The following CENPM variants were observed in gnomAD, a reference collection of about 807,000 sequenced individuals.
The protein encoded by CENPM is interphase centromere complex protein 39.
CENPM carries 14 observed loss-of-function variants against 19.6 expected under a neutral mutation model. The ratio of observed to expected loss-of-function variants is 0.71; its 90% CI spans 0.47 to 1.11. The LOEUF (loss-of-function observed/expected upper bound fraction) is 1.11, where lower values mean the gene tolerates loss of function less well. Ranked by LOEUF, CENPM falls within the 50% of genes most tolerant of loss-of-function variation. CENPM has a pLI of 0.00. For synonymous variants in CENPM, 114 were observed against 101.5 expected (o/e 1.12, Z -0.74); for missense variants, 239 against 228.4 (o/e 1.05, Z -0.30).
At chr22:41,940,385 G>T (rs73165148) in intron 5 of CENPM, among the ~76,000 whole-genome samples, 8 of 152,204 alleles carry the variant, frequency 5.3e-5, no homozygotes, top group Non-Finnish European at 1.0e-4. Flanking sequence ...CAAAGCTGGG[G>T]CTTTTTTTGT....
rs1287137817 is a variant in CENPM, at chr22:41,947,144, C to T, written c.-68G>A. ...TCTTTCAAACCGCCCTGAGTCCAGC[C>T]CCTAGAGCGCGGCCTGGGGGCACGT... On this transcript the variant is annotated 5_prime_UTR_variant, in exon 1 of 6. Coordinates refer to ENST00000215980, the MANE Select transcript of CENPM (RefSeq NM_024053.5). The T allele has an allele frequency of 2.0e-6, 3 of 1,520,054 alleles. No homozygotes were observed. Among genetic ancestry groups the T allele is most frequent in the Non-Finnish European group, 2.7e-6 (3 of 1,104,806 alleles). 94.2% of individuals were successfully genotyped at this position (1,520,054 alleles called of 1,614,324 possible). A position where few individuals can be genotyped will look rare whatever the true frequency, so the allele number is the denominator to read the frequency against.
At chr22:41,935,502 G>A (rs1246448080), downstream of CENPM, among the ~76,000 whole-genome samples, 2 of 152,162 alleles carry the variant, frequency 1.3e-5, no homozygotes, top group African/African-American at 4.8e-5. Context: ...GGGAAGGCTG[G>A]CCTTCCGGGC....
chr22:41,935,899 GTC>G (rs1209039533), downstream of CENPM, among the ~76,000 whole-genome samples: 1 of 149,176 alleles, frequency 6.7e-6, no homozygotes, highest in Non-Finnish European at 1.5e-5. Flanking sequence ...TTGAGATGGA[GTC>G]TCTCTGTCAC....
chr22:41,929,935 C>CTTTTTTT, the CENPM span, among the ~76,000 whole-genome samples: 1 of 97,656 alleles, frequency 1.0e-5, no homozygotes. Flanking sequence ...TTCCCCGTGG[C>CTTTTTTT]TTTTTTTTTT....
chr22:41,939,106 G>C lies in CENPM; in HGVS notation c.493C>G (p.Leu165Val), dbSNP rs763157368. ...TCAGAGCTTCTCAGCAGGGACAGCA[G>C]GTTCAGAGCTGAGACACCGGGCACG... Reference protein sequence around the residue: ...GHVPGVSALNLLSLLRSSEGP... With the variant: ...GHVPGVSALNVLSLLRSSEGP... Residue 165 changes from leucine (L) to valine (V), a missense_variant, in exon 6 of 6, where the codon CTG becomes GTG. By Grantham distance (32) the Leu-to-Val change is conservative. Transcript: ENST00000215980. 5.0e-6 allele frequency: 8 copies of C among 1,613,096 alleles called. No individual in the cohort carries two copies. In the South Asian group the frequency reaches 6.6e-5, roughly 13 times the overall value.
At chr22:41,944,196 C>A in intron 4 of CENPM, 6 of 955,644 alleles carry the variant, frequency 6.3e-6, no homozygotes, top group Non-Finnish European at 7.5e-6. Context: ...GTAATCCCAG[C>A]ACTATCTGAG....
intron 3 of CENPM, among the ~76,000 whole-genome samples, chr22:41,945,649 C>G (rs977818490): frequency 1.3e-5 from 2 of 151,924 alleles, no homozygotes; most frequent in Non-Finnish European, 2.9e-5. Flanking sequence ...GGGGTTTCAC[C>G]ATGTTGCCCA....
intron 5 of CENPM, among the ~76,000 whole-genome samples, chr22:41,942,191 A>G (rs2077746891): frequency 1.3e-5 from 2 of 152,364 alleles, no homozygotes; most frequent in South Asian, 4.1e-4. Context: ...AAAGGAATGG[A>G]GCAGGCCTGG....
intron 5 of CENPM, among the ~76,000 whole-genome samples, chr22:41,939,848 G>GAA (rs375532561): frequency 0.097 from 240 of 2,484 alleles, 40 homozygotes; most frequent in African/African-American, 0.21. Flanking sequence ...GAAAAAGAAA[G>GAA]AAAGAAAGAA....
At chr22:41,943,820 AG>A in intron 4 of CENPM, 119 bp from the exon 5 acceptor site, 1 of 811,056 alleles carries the variant, frequency 1.2e-6, no homozygotes, top group Non-Finnish European at 1.9e-6. Flanking sequence ...TCTAGTCGCG[AG>A]GGTGACAGTC....
At position 41,947,059 on chromosome 22, in the gene CENPM, G is replaced by A. The variant is rs373000902; in HGVS notation, c.18C>T (p.Pro6=). MSVLR[P]LDKLPGLNTA... is the part of the protein sequence containing the mutation. ...TGTTCAGGCCGGGCAGCTTGTCCAGGGGCCTCAACACCGACATCACAGCCG... is the reference window on the plus strand; with the variant it reads ...TGTTCAGGCCGGGCAGCTTGTCCAGAGGCCTCAACACCGACATCACAGCCG... Residue 6 remains proline (P), a synonymous_variant, in exon 1 of 6, where the codon CCC becomes CCT. Transcript: ENST00000215980. The A allele has an allele frequency of 4.8e-5, 77 of 1,612,834 alleles. No individual in the cohort carries two copies. Among genetic ancestry groups the A allele is most frequent in the Non-Finnish European group, 6.4e-5 (75 of 1,179,952 alleles).
downstream of CENPM, among the ~76,000 whole-genome samples, chr22:41,933,883 C>T (rs555563676): frequency 2.2e-4 from 33 of 152,330 alleles, no homozygotes; most frequent in Middle Eastern, 3.4e-3. Flanking sequence ...AAGAACCCCA[C>T]GGCTCTCCTC....
chr22:41,935,278 A>G (rs999054637), downstream of CENPM, among the ~76,000 whole-genome samples: 1 of 152,014 alleles, frequency 6.6e-6, no homozygotes, highest in African/African-American at 2.4e-5. Context: ...CCATGCGGGC[A>G]TGGGGGGGAG....
chr22:41,937,236 C>A (rs548647420), downstream of CENPM, among the ~76,000 whole-genome samples: 1 of 152,346 alleles, frequency 6.6e-6, no homozygotes, highest in African/African-American at 2.4e-5. Context: ...GCTTTTCTCA[C>A]TTCTTGCAAA....
chr22:41,927,836 T>G, the CENPM span, among the ~76,000 whole-genome samples: 1 of 152,160 alleles, frequency 6.6e-6, no homozygotes, highest in Non-Finnish European at 1.5e-5. Flanking sequence ...AAGTAGCATG[T>G]GGGTCTGCCC....
intron 5 of CENPM, among the ~76,000 whole-genome samples, chr22:41,941,549 G>C (rs1025365965): frequency 1.3e-5 from 2 of 152,246 alleles, no homozygotes; most frequent in African/African-American, 4.8e-5. Context: ...AGCAAAGATC[G>C]TGACTCCCCT....
At chr22:41,942,285 A>G (rs1422282722) in intron 5 of CENPM, among the ~76,000 whole-genome samples, 1 of 152,166 alleles carries the variant, frequency 6.6e-6, no homozygotes, top group Non-Finnish European at 1.5e-5. Flanking sequence ...AGGCCTCTTT[A>G]GCAAAAAGTC....
downstream of CENPM, among the ~76,000 whole-genome samples, chr22:41,933,800 G>A (rs117907197): frequency 4.6e-3 from 707 of 152,330 alleles, 19 homozygotes; most frequent in East Asian, 0.062. Context: ...TTGTGCTCGA[G>A]CCCTGCCAGC....
the CENPM span, among the ~76,000 whole-genome samples, chr22:41,933,276 G>A: frequency 6.6e-6 from 1 of 151,486 alleles, no homozygotes; most frequent in Admixed American, 6.6e-5. Context: ...GAGTAAAGGG[G>A]CCCGCCAGGC....
Sources: allele counts gnomAD v4.1 joint callset (sites outside exome capture counted in the v4.1 genomes callset), GRCh38; gene constraint gnomAD v4.1.1; transcripts MANE v1.5; gene names NCBI Gene and HGNC (gene_info 2026-07-23, HGNC 2026-07-21).